NRXN1: variants seen among roughly 807,000 people sequenced by gnomAD.
The protein encoded by NRXN1 is neurexin 1, also known as neurexin-1.
NRXN1 carries 39 observed loss-of-function variants against 150.9 expected under a neutral mutation model. The ratio of observed to expected loss-of-function variants is 0.26; its 90% CI spans 0.20 to 0.34. The LOEUF is 0.34. Among genes scored for constraint, NRXN1 ranks in the 10% least tolerant of loss-of-function variants. The pLI is 1.00. For synonymous variants in NRXN1, 924 were observed against 757.0 expected (o/e 1.22, Z -3.62); for missense variants, 1,815 against 1,949.9 (o/e 0.93, Z 1.30).
chr2:50,131,403 T>C (rs1196056105), intron 18 of NRXN1, among the ~76,000 whole-genome samples: 3 of 152,164 alleles, frequency 2.0e-5, no homozygotes, highest in Non-Finnish European at 4.4e-5. Flanking sequence ...CTTCAAGATA[T>C]CACTAAGCTC....
At chr2:49,949,916 C>T (rs1281455019) in intron 21 of NRXN1, among the ~76,000 whole-genome samples, 1 of 151,688 alleles carries the variant, frequency 6.6e-6, no homozygotes, top group East Asian at 1.9e-4. Flanking sequence ...AGAGAGAGCG[C>T]TCTCAAGTGT....
chr2:50,112,676 T>A (rs1394411793), intron 18 of NRXN1, among the ~76,000 whole-genome samples: 1 of 152,202 alleles, frequency 6.6e-6, no homozygotes, highest in Non-Finnish European at 1.5e-5. Flanking sequence ...CAGAGTCAAA[T>A]GTGTCTGGGG....
intron 5 of NRXN1, among the ~76,000 whole-genome samples, chr2:50,789,583 G>A (rs996265463): frequency 2.0e-5 from 3 of 152,256 alleles, no homozygotes; most frequent in Non-Finnish European, 2.9e-5. Flanking sequence ...GTTAATGAAC[G>A]GAAGCTTTGC....
chr2:50,068,424 C>A (rs1695699863), intron 19 of NRXN1, among the ~76,000 whole-genome samples: 1 of 152,112 alleles, frequency 6.6e-6, no homozygotes, highest in South Asian at 2.1e-4. Flanking sequence ...ATTTTCTCTA[C>A]CACCAATTAT....
At chr2:50,708,279 T>A (rs1694710554) in intron 5 of NRXN1, among the ~76,000 whole-genome samples, 1 of 152,212 alleles carries the variant, frequency 6.6e-6, no homozygotes, top group Non-Finnish European at 1.5e-5. Flanking sequence ...GTTCATGAAC[T>A]ATTTTCAATA....
rs1667888089 is a variant in NRXN1, at chr2:49,919,777, A to AAAT, written c.*2164_*2166dup. ...ACTTTCTGGGTCATAAAAAGCCACTAAATTTCTTTGTACACAACAATTACT... is the reference window on the plus strand; with the variant it reads ...ACTTTCTGGGTCATAAAAAGCCACTAAATAATTTCTTTGTACACAACAATTACT... On this transcript the variant is annotated 3_prime_UTR_variant, in exon 23 of 23. Transcript: ENST00000401669. The AAAT allele has an allele frequency of 6.6e-6, 1 of 152,160 alleles. No individual in the cohort carries two copies. The highest frequency in any genetic ancestry group is 2.4e-5 in the African/African-American group (1 of 41,458). 9.4% of individuals were successfully genotyped at this position (152,160 alleles called of 1,614,324 possible).
chr2:50,813,882 G>T (rs1403081913), intron 5 of NRXN1, among the ~76,000 whole-genome samples: 2 of 151,996 alleles, frequency 1.3e-5, no homozygotes, highest in African/African-American at 4.8e-5. Context: ...TTATTATTAT[G>T]ACTTTAACAA....
At position 51,028,223 on chromosome 2, in the gene NRXN1, C is replaced by G; in HGVS notation, c.51G>C (p.Ser17=). Residue 17 remains serine, a synonymous_variant, in exon 2 of 23, where the codon TCG becomes TCC. Coordinates refer to ENST00000401669, the MANE Select transcript of NRXN1 (RefSeq NM_001330078.2). ...CCGCCCAGCAGCCCAGGAGCAGCAGCGAGAGGCACAGAAGAAAACAGCCCC... is the reference window on the plus strand; with the variant it reads ...CCGCCCAGCAGCCCAGGAGCAGCAGGGAGAGGCACAGAAGAAAACAGCCCC... ...QRGGCFLLCL[S]LLLLGCWAEL... The G allele has an allele frequency of 2.7e-6, 4 of 1,477,038 alleles. No homozygotes were observed. The highest frequency in any genetic ancestry group is 4.7e-5 in the East Asian group (2 of 42,160). The allele number at this position is 1,477,038 out of a possible 1,614,324, so 91.5% of individuals were successfully genotyped here. A position where few individuals can be genotyped will look rare whatever the true frequency, so the allele number is the denominator to read the frequency against.
chr2:50,441,582 A>G (rs545193958), intron 17 of NRXN1, among the ~76,000 whole-genome samples: 14 of 152,286 alleles, frequency 9.2e-5, no homozygotes, highest in African/African-American at 3.1e-4. Context: ...CTAATAGGAA[A>G]AGAATGGGGT....
intron 17 of NRXN1, among the ~76,000 whole-genome samples, chr2:50,301,225 C>T (rs2074119828): frequency 6.6e-6 from 1 of 152,186 alleles, no homozygotes; most frequent in Non-Finnish European, 1.5e-5. Flanking sequence ...ATAGCAAACA[C>T]ACTATAGCCC....
At chr2:50,134,948 T>C (rs1195984281) in intron 18 of NRXN1, among the ~76,000 whole-genome samples, 2 of 152,200 alleles carry the variant, frequency 1.3e-5, no homozygotes, top group Admixed American at 6.5e-5. Context: ...AGCAGACAGA[T>C]AGCAGTTCAC....
chr2:50,167,408 C>CG (rs1559015151), intron 18 of NRXN1, among the ~76,000 whole-genome samples: 1 of 152,038 alleles, frequency 6.6e-6, no homozygotes, highest in Non-Finnish European at 1.5e-5. Context: ...GCCTCCCCCC[C>CG]GCCTGTTAAT....
intron 18 of NRXN1, among the ~76,000 whole-genome samples, chr2:50,107,007 G>A (rs151055600): frequency 6.6e-6 from 1 of 151,876 alleles, no homozygotes; most frequent in African/African-American, 2.4e-5. Context: ...AATGCATACA[G>A]TATCTGAGCA....
chr2:50,395,776 G>A (rs1572816610), intron 17 of NRXN1, among the ~76,000 whole-genome samples: 1 of 152,114 alleles, frequency 6.6e-6, no homozygotes, highest in African/African-American at 2.4e-5. Context: ...AAGTGAGTCA[G>A]ACAACTTGTC....
Position 50,506,487 on chromosome 2 carries a change from G to A in NRXN1, c.2497+8C>T. On this transcript the variant is annotated splice_region_variant and intron_variant, in intron 13 of 22. Transcript: ENST00000401669. ...CATAGGAAAAGACAATGGGACAGAG[G>A]TGTTTACCTGTCATGGCCTGTTGGT... is the stretch of plus-strand genomic sequence containing the variant. The A allele has an allele frequency of 3.7e-6, 6 of 1,611,450 alleles. No homozygotes were observed. The highest frequency in any genetic ancestry group is 2.2e-5 in the East Asian group (1 of 44,804).
At chr2:50,741,099 A>G (rs1699367023) in intron 5 of NRXN1, among the ~76,000 whole-genome samples, 1 of 152,160 alleles carries the variant, frequency 6.6e-6, no homozygotes, top group Non-Finnish European at 1.5e-5. Context: ...TAAAGCTGAC[A>G]CATAAAATCA....
At chr2:51,002,803 A>T (rs572077422) in intron 2 of NRXN1, among the ~76,000 whole-genome samples, 2 of 152,068 alleles carry the variant, frequency 1.3e-5, no homozygotes, top group Admixed American at 1.3e-4. Context: ...CTATGAAACT[A>T]ATAGGGTGAC....
Position 50,605,408 on chromosome 2 carries a change from G to T in NRXN1, c.1320+14614C>A, listed in dbSNP as rs1336128353. ...ATAAATGAACACATTTGGAGGAGTT[G>T]CCCTATTCTCCAGTAGAAACTCAAT... On this transcript the variant is annotated intron_variant, in intron 8 of 22. Coordinates refer to ENST00000401669, the MANE Select transcript of NRXN1 (RefSeq NM_001330078.2). Among the ~76,000 whole-genome samples the T allele has an allele frequency of 2.6e-5, 4 of 152,240 alleles. No individual in the cohort carries two copies. In the East Asian group the frequency reaches 7.7e-4, roughly 29 times the overall value.
intron 9 of NRXN1, among the ~76,000 whole-genome samples, chr2:50,543,490 T>C (rs914970173): frequency 1.3e-5 from 2 of 152,274 alleles, no homozygotes; most frequent in East Asian, 3.9e-4. Context: ...CATTACATTA[T>C]ATTCTTACAT....
Sources: allele counts gnomAD v4.1 joint callset (sites outside exome capture counted in the v4.1 genomes callset), GRCh38; gene constraint gnomAD v4.1.1; transcripts MANE v1.5; gene names NCBI Gene and HGNC (gene_info 2026-07-23, HGNC 2026-07-21).